The following TBC1D19 variants were observed in gnomAD, a reference collection of about 807,000 sequenced individuals.
TBC1D19 encodes TBC1 domain family, member 19.
Under a neutral mutation model 89.0 loss-of-function variants are expected in TBC1D19, and 60 were observed. The observed-to-expected ratio is 0.67, with a 90% confidence interval of 0.55 to 0.84. The LOEUF (loss-of-function observed/expected upper bound fraction) is 0.84, where lower values mean the gene tolerates loss of function less well. TBC1D19 is among the 40% of genes least tolerant of loss of function. The pLI is 0.00. For missense variants in TBC1D19, 500 were observed against 610.8 expected (o/e 0.82, Z 1.91); for synonymous variants, 189 against 199.7 (o/e 0.95, Z 0.45).
downstream of TBC1D19, among the ~76,000 whole-genome samples, chr4:26,758,178 T>C (rs1719339495): frequency 6.6e-6 from 1 of 152,206 alleles, no homozygotes; most frequent in African/African-American, 2.4e-5. Context: ...ATCACTCATA[T>C]GATGCTTATA....
At chr4:26,713,637 C>T (rs1716353600) in intron 13 of TBC1D19, among the ~76,000 whole-genome samples, 1 of 152,026 alleles carries the variant, frequency 6.6e-6, no homozygotes, top group Non-Finnish European at 1.5e-5. Context: ...TTAACTGCCT[C>T]TTTACTGAAT....
chr4:26,744,097 T>G (rs997479587), intron 18 of TBC1D19, among the ~76,000 whole-genome samples: 9 of 151,668 alleles, frequency 5.9e-5, no homozygotes, highest in African/African-American at 2.2e-4. Context: ...TTGGGTTATC[T>G]ATTTCTTTTT....
chr4:26,783,765 G>A, the TBC1D19 span, among the ~76,000 whole-genome samples: 4 of 152,128 alleles, frequency 2.6e-5, no homozygotes, highest in Non-Finnish European at 4.4e-5. Context: ...CAGTTGAGAA[G>A]AAATGCTCTT....
chr4:26,709,936 G>T (rs904687902), intron 13 of TBC1D19, among the ~76,000 whole-genome samples: 1 of 151,976 alleles, frequency 6.6e-6, no homozygotes, highest in East Asian at 1.9e-4. Flanking sequence ...AGCCCATACA[G>T]CTATCAGGAC....
intron 11 of TBC1D19, among the ~76,000 whole-genome samples, chr4:26,675,586 C>A (rs1182100949): frequency 6.6e-6 from 1 of 151,992 alleles, no homozygotes; most frequent in Non-Finnish European, 1.5e-5. Context: ...AAAAGTGTGA[C>A]CCCAATGAAC....
the TBC1D19 span, among the ~76,000 whole-genome samples, chr4:26,797,792 A>G: frequency 6.6e-5 from 10 of 151,646 alleles, no homozygotes; most frequent in Non-Finnish European, 1.5e-4. Context: ...TAAACAACAG[A>G]GAAAGGACAT....
the TBC1D19 span, among the ~76,000 whole-genome samples, chr4:26,851,307 A>ATCTATCTATCTATCTGTCTGTCTGTCTG: frequency 2.0e-4 from 9 of 45,462 alleles, no homozygotes; most frequent in Non-Finnish European, 2.5e-4. Context: ...TAAATACCCT[A>ATCTATCTATCTATCTGTCTGTCTGTCTG]TCTATCTATC....
At chr4:26,621,498 C>T (rs1040196526) in intron 4 of TBC1D19, among the ~76,000 whole-genome samples, 93 of 152,298 alleles carry the variant, frequency 6.1e-4, no homozygotes, top group African/African-American at 2.1e-3. Context: ...CCTCAAAGAA[C>T]TCCCATGAAC....
the TBC1D19 span, among the ~76,000 whole-genome samples, chr4:26,812,662 C>T: frequency 9.9e-5 from 15 of 152,146 alleles, no homozygotes; most frequent in African/African-American, 3.1e-4. This position sits in a 1 kb window ranked among gnomAD's most constrained non-coding sequence, Gnocchi z 4.2. Flanking sequence ...AGGACAAATC[C>T]TCTTTTTGCA....
chr4:26,659,220 A>G (rs1468872662), intron 7 of TBC1D19, among the ~76,000 whole-genome samples: 2 of 152,018 alleles, frequency 1.3e-5, no homozygotes, highest in Admixed American at 1.3e-4. Context: ...TGATTCTAAA[A>G]TTTTTCCTGA....
chr4:26,586,437 G>T (rs1456222470), intron 1 of TBC1D19, among the ~76,000 whole-genome samples: 1 of 151,656 alleles, frequency 6.6e-6, no homozygotes, highest in African/African-American at 2.4e-5. Context: ...AAATTATTTT[G>T]GCTATTCTAG....
rs571440058 is a variant in TBC1D19 at position 26,617,321 on chromosome 4, A to T, written c.218+2868A>T. Among the ~76,000 whole-genome samples, 32 of 152,372 alleles carry T rather than the reference A, an allele frequency of 2.1e-4. No homozygotes were observed. The East Asian group carries it at 4.0e-3, about 19-fold the overall frequency. ...AATACTGTTACAATTGCAAATTTTA[A>T]CATGAGTTTTGGAAAGGACAAACAT... On this transcript the variant is annotated intron_variant, in intron 3 of 20. Coordinates refer to ENST00000264866, the MANE Select transcript of TBC1D19 (RefSeq NM_018317.4).
intron 1 of TBC1D19, among the ~76,000 whole-genome samples, chr4:26,610,365 C>A (rs1447704448): frequency 6.6e-6 from 1 of 151,846 alleles, no homozygotes; most frequent in Non-Finnish European, 1.5e-5. Context: ...ATCACAAACC[C>A]CTCCGTTTCT....
At chr4:26,622,239 T>TATA (rs1035244970) in intron 4 of TBC1D19, among the ~76,000 whole-genome samples, 14 of 60,606 alleles carry the variant, frequency 2.3e-4, no homozygotes, top group East Asian at 4.6e-4. Context: ...AAACTTAAAG[T>TATA]ATAATAATAA....
intron 4 of TBC1D19, among the ~76,000 whole-genome samples, chr4:26,630,259 A>G (rs1742726635): frequency 6.6e-6 from 1 of 151,960 alleles, no homozygotes; most frequent in Admixed American, 6.6e-5. Flanking sequence ...TCCAATTATT[A>G]GGGAAATTTA....
intron 3 of TBC1D19, among the ~76,000 whole-genome samples, chr4:26,619,190 A>G (rs975764482): frequency 1.3e-5 from 2 of 151,496 alleles, no homozygotes; most frequent in African/African-American, 4.8e-5. Flanking sequence ...AGTCTCTCAA[A>G]TTTTAATCCT....
the TBC1D19 span, among the ~76,000 whole-genome samples, chr4:26,807,215 A>G: frequency 1.3e-5 from 2 of 152,040 alleles, no homozygotes; most frequent in South Asian, 2.1e-4. Flanking sequence ...CCCATCCTCA[A>G]CTTAGAAGTG....
the TBC1D19 span, among the ~76,000 whole-genome samples, chr4:26,808,945 A>T: frequency 6.6e-6 from 1 of 152,180 alleles, no homozygotes; most frequent in African/African-American, 2.4e-5. Flanking sequence ...GAATCCAAAG[A>T]TAAGATTTGA....
chr4:26,742,196 C>A (rs1718410443), intron 17 of TBC1D19, among the ~76,000 whole-genome samples: 1 of 152,128 alleles, frequency 6.6e-6, no homozygotes. Context: ...TGCAAAGTAG[C>A]AAGTTTTCTG....
Sources: allele counts gnomAD v4.1 joint callset (sites outside exome capture counted in the v4.1 genomes callset), GRCh38; gene constraint gnomAD v4.1.1; non-coding constraint Gnocchi (gnomAD v3.1); transcripts MANE v1.5; gene names NCBI Gene and HGNC (gene_info 2026-07-23, HGNC 2026-07-21).